Variants in RUFY3 observed in about 807,000 individuals in gnomAD.
The protein encoded by RUFY3 is RUN and FYVE domain containing 3.
A neutral mutation model predicts 84.0 loss-of-function variants in RUFY3; 34 were observed. The observed-to-expected ratio is 0.40, with a 90% CI of 0.31 to 0.54. RUFY3 has a LOEUF of 0.54. RUFY3 is among the 20% of genes least tolerant of loss of function. The pLI, the probability that RUFY3 is intolerant of heterozygous loss-of-function variation, is 0.39. For missense variants in RUFY3, 507 were observed against 736.8 expected, an observed-to-expected ratio of 0.69 and a Z score of 3.61; for synonymous variants, 242 against 252.9, an observed-to-expected ratio of 0.96 and a Z score of 0.41.
chr4:70,791,772 GTCTCTT>G (rs1560564526), intron 12 of RUFY3: 2 of 988,114 alleles, frequency 2.0e-6, no homozygotes, highest in East Asian at 2.2e-4. Flanking sequence ...ATAGTTCTGT[GTCTCTT>G]AGACCATGAC....
At chr4:70,772,828 T>A (rs1428921495) in intron 5 of RUFY3, among the ~76,000 whole-genome samples, 1 of 152,082 alleles carries the variant, frequency 6.6e-6, no homozygotes, top group Admixed American at 6.5e-5. Context: ...ACCCAGCTAA[T>A]TTTTGTATTT....
At chr4:70,746,504 CAAAAA>C (rs1178734323) in intron 1 of RUFY3, among the ~76,000 whole-genome samples, 1 of 65,102 alleles carries the variant, frequency 1.5e-5, no homozygotes, top group Non-Finnish European at 3.6e-5. Context: ...AAGACTGTCT[CAAAAA>C]AAAAAAAAAA....
intron 5 of RUFY3, among the ~76,000 whole-genome samples, chr4:70,772,886 C>G (rs531526156): frequency 6.6e-6 from 1 of 152,300 alleles, no homozygotes; most frequent in East Asian, 1.9e-4. Flanking sequence ...GTCTCGAACT[C>G]CTGACCTCAG....
intron 2 of RUFY3, among the ~76,000 whole-genome samples, chr4:70,763,187 T>C (rs1412158299): frequency 6.6e-6 from 1 of 152,192 alleles, no homozygotes; most frequent in African/African-American, 2.4e-5. Context: ...TTTAAATCTG[T>C]ATGCCTATGC....
Position 70,783,131 on chromosome 4 carries a change from A to G in RUFY3, c.935A>G (p.Glu312Gly). 1 of 1,612,204 alleles carries G rather than the reference A, an allele frequency of 6.2e-7. No individual in the cohort carries two copies. Among genetic ancestry groups the G allele is most frequent in the South Asian group, 1.1e-5 (1 of 90,822 alleles). Residue 312 changes from glutamate (E) to glycine (G), a missense_variant, in exon 9 of 18, where the codon GAA becomes GGA. Transcript: ENST00000381006. ...ANNRIITLQE[E>G]MERVKEESSY... ...AACAGGATCATTACCTTACAAGAAG[A>G]AATGGAACGAGTTAAAGAGGAAAGT...
chr4:70,789,695 A>C, intron 12 of RUFY3, 103 bp downstream of exon 12: 3 of 1,423,834 alleles, frequency 2.1e-6, no homozygotes, highest in Non-Finnish European at 2.8e-6. Context: ...AAATTCTTCC[A>C]AATTAGCATC....
chr4:70,719,705 T>C (rs961171935), upstream of RUFY3, among the ~76,000 whole-genome samples: 1 of 152,210 alleles, frequency 6.6e-6, no homozygotes, highest in Non-Finnish European at 1.5e-5. Context: ...GTCCCCTTAT[T>C]AATATATAAT....
chr4:70,727,022 G>A (rs757622505), intron 1 of RUFY3, among the ~76,000 whole-genome samples: 4 of 148,600 alleles, frequency 2.7e-5, no homozygotes, highest in Non-Finnish European at 5.9e-5. Flanking sequence ...TTGTGAAAGC[G>A]TAGTGGGATT....
chr4:70,792,597 TTC>T (rs973108337), intron 12 of RUFY3: 3 of 985,322 alleles, frequency 3.0e-6, no homozygotes, highest in Admixed American at 6.1e-5. Context: ...TTGGGTTTTT[TTC>T]TCTTTTTTTC....
At chr4:70,740,537 C>G (rs934571601) in intron 1 of RUFY3, among the ~76,000 whole-genome samples, 1 of 152,092 alleles carries the variant, frequency 6.6e-6, no homozygotes, top group Admixed American at 6.5e-5. Context: ...TAATTAAATA[C>G]AATACAATAA....
At chr4:70,739,357 C>G (rs1720930733) in intron 1 of RUFY3, among the ~76,000 whole-genome samples, 1 of 151,934 alleles carries the variant, frequency 6.6e-6, no homozygotes, top group Admixed American at 6.6e-5. Flanking sequence ...ATAATTACGG[C>G]AAATATAGAG....
chr4:70,754,692 C>T (rs9996808), intron 1 of RUFY3, among the ~76,000 whole-genome samples: 51 of 151,942 alleles, frequency 3.4e-4, no homozygotes, highest in African/African-American at 8.9e-4. Flanking sequence ...CAGTTTTATA[C>T]GCTAAGGTCT....
chr4:70,754,666 G>A (rs1723691942), intron 1 of RUFY3, among the ~76,000 whole-genome samples: 1 of 151,360 alleles, frequency 6.6e-6, no homozygotes, highest in African/African-American at 2.4e-5. Flanking sequence ...TCACAATTAA[G>A]GACTCATTTT....
intron 1 of RUFY3, among the ~76,000 whole-genome samples, chr4:70,729,628 T>G (rs1322149932): frequency 6.6e-6 from 1 of 152,196 alleles, no homozygotes; most frequent in Non-Finnish European, 1.5e-5. Flanking sequence ...ATGAGATACT[T>G]AATGTAAAGC....
intron 17 of RUFY3, among the ~76,000 whole-genome samples, chr4:70,804,761 CAAAAA>C (rs1186156048): frequency 0.036 from 2,791 of 76,846 alleles, 103 homozygotes; most frequent in East Asian, 0.25. Flanking sequence ...ACTAAAAATA[CAAAAA>C]AAAAAAAAAA....
chr4:70,732,657 A>T (rs1364560981), intron 1 of RUFY3, among the ~76,000 whole-genome samples: 3 of 152,066 alleles, frequency 2.0e-5, no homozygotes. Flanking sequence ...TATCACAAGG[A>T]CAAAAAACCA....
At chr4:70,806,211 C>T (rs1409879204) in intron 17 of RUFY3, among the ~76,000 whole-genome samples, 6 of 152,168 alleles carry the variant, frequency 3.9e-5, no homozygotes, top group African/African-American at 1.4e-4. Context: ...AATTTTAAAA[C>T]TAACCTACCT....
intron 1 of RUFY3, among the ~76,000 whole-genome samples, chr4:70,744,654 ATT>A (rs112584509): frequency 0.086 from 11,010 of 128,032 alleles, 777 homozygotes; most frequent in African/African-American, 0.21. Context: ...CTTATTTTGA[ATT>A]TTTTTTTTTT....
chr4:70,732,897 T>C (rs1257204311), intron 1 of RUFY3, among the ~76,000 whole-genome samples: 1 of 151,702 alleles, frequency 6.6e-6, no homozygotes, highest in Middle Eastern at 3.2e-3. Flanking sequence ...ACTCCGGAAC[T>C]TAAAGTATTA....
Sources: gnomAD v4.1 joint callset for allele counts (sites outside exome capture counted in the v4.1 genomes callset) on GRCh38, gnomAD v4.1.1 for gene constraint, MANE v1.5 for transcripts, NCBI Gene and HGNC (gene_info 2026-07-23, HGNC 2026-07-21) for gene names.